Variants in KDM2B observed in about 807,000 individuals in gnomAD.
KDM2B encodes the protein lysine demethylase 2B, also known as lysine-specific demethylase 2B.
A neutral mutation model predicts 150.0 loss-of-function variants in KDM2B; 26 were observed. The ratio of observed to expected loss-of-function variants is 0.17; its 90% confidence interval spans 0.13 to 0.24. The LOEUF (loss-of-function observed/expected upper bound fraction) is 0.24, where lower values mean the gene tolerates loss of function less well. Ranked by LOEUF, KDM2B falls within the 10% of genes least tolerant of loss-of-function variation. The pLI is 1.00. For missense variants in KDM2B, 1,265 were observed against 1,816.9 expected, an observed-to-expected ratio of 0.70 and a Z score of 5.52; for synonymous variants, 734 against 729.5, an observed-to-expected ratio of 1.01 and a Z score of -0.10.
In KDM2B at chr12:121,520,673, G is replaced by C. The variant is rs140750762; in HGVS notation, c.1047+312C>G. Among the ~76,000 whole-genome samples, 359 of 152,258 alleles carry C rather than the reference G, an allele frequency of 2.4e-3. No individual in the cohort carries two copies. Among genetic ancestry groups the C allele is most frequent in the Non-Finnish European group, 4.2e-3 (287 of 68,006 alleles). On this transcript the variant is annotated intron_variant, in intron 9 of 22. Transcript: ENST00000377071. The surrounding 1 kb of genome is among the most constrained non-coding windows in gnomAD (Gnocchi z 4.5). ...TAATCCCTCACACCACTTTCTCCAC[G>C]TGAGGAGGAAGAGGCAGGTCCCTGA...
chr12:121,472,885 C>T (rs1880921284), intron 12 of KDM2B, among the ~76,000 whole-genome samples: 1 of 152,128 alleles, frequency 6.6e-6, no homozygotes, highest in African/African-American at 2.4e-5. Flanking sequence ...TGTAAAATGC[C>T]AGCCTAATTC....
rs77237915 is a variant in KDM2B at position 121,431,879 on chromosome 12, C to CTTTT, written c.3830-1414_3830-1411dup. Among the ~76,000 whole-genome samples the CTTTT allele has an allele frequency of 2.7e-4, 33 of 122,388 alleles. 1 individual carries two copies. The highest frequency in any genetic ancestry group is 1.9e-3 in the Admixed American group (21 of 11,040). 80.3% of individuals were successfully genotyped at this position (122,388 alleles called of 152,430 possible). ...GTTTTCATGGGTTTTTTTCTTTTTTCTTTTTTTTTTTTTTTTTGGAGATGA... is the reference window on the plus strand; with the variant it reads ...GTTTTCATGGGTTTTTTTCTTTTTTCTTTTTTTTTTTTTTTTTTTTTGGAGATGA... On this transcript the variant is annotated intron_variant, in intron 22 of 22. Transcript: ENST00000377071.
chr12:121,466,711 C>T (rs1269156380), intron 12 of KDM2B, among the ~76,000 whole-genome samples: 6 of 150,430 alleles, frequency 4.0e-5, no homozygotes, highest in South Asian at 2.1e-4. Flanking sequence ...CCTGGCACAA[C>T]TTTGCGAACG....
intron 21 of KDM2B, 142 bp from the exon 22 acceptor site, chr12:121,440,217 T>TA: frequency 3.2e-6 from 2 of 624,420 alleles, no homozygotes; most frequent in Non-Finnish European, 5.6e-6. Flanking sequence ...CCCAAAATCA[T>TA]AATTCCAACA....
In KDM2B at chr12:121,452,087, G is replaced by T. The variant is rs572191587; in HGVS notation, c.1959+1033C>A. 6.6e-6 allele frequency among the ~76,000 whole-genome samples: 1 copy of T among 152,072 alleles called. No homozygotes were observed. Among genetic ancestry groups the T allele is most frequent in the Non-Finnish European group, 1.5e-5 (1 of 68,014 alleles). On this transcript the variant is annotated intron_variant, in intron 13 of 22. Transcript: ENST00000377071. This position sits in a 1 kb window ranked among gnomAD's most constrained non-coding sequence, Gnocchi z 4.4. ...TTACTGCATAATTCCACTTCTATGA[G>T]GTCCCGAGAGGAGTCAAGCTCTTAG... is the stretch of plus-strand genomic sequence containing the variant.
At chr12:121,571,094 G>A (rs576952868) in intron 4 of KDM2B, among the ~76,000 whole-genome samples, 91 of 152,296 alleles carry the variant, frequency 6.0e-4, no homozygotes, top group African/African-American at 1.8e-3. Flanking sequence ...ACAAAGGATC[G>A]TGTGTTCTAT....
At chr12:121,434,069 A>G (rs1298460258) in intron 22 of KDM2B, among the ~76,000 whole-genome samples, 2 of 152,140 alleles carry the variant, frequency 1.3e-5, no homozygotes, top group African/African-American at 4.8e-5. Context: ...AGTCCCAACT[A>G]CACAGGAGGC....
At chr12:121,484,018 G>T (rs1882460333) in intron 12 of KDM2B, among the ~76,000 whole-genome samples, 1 of 152,100 alleles carries the variant, frequency 6.6e-6, no homozygotes, top group African/African-American at 2.4e-5. Flanking sequence ...AGTTGAAGAA[G>T]GCCACACAAT....
chr12:121,538,569 T>C (rs1368324069), intron 6 of KDM2B, among the ~76,000 whole-genome samples: 1 of 152,208 alleles, frequency 6.6e-6, no homozygotes, highest in Admixed American at 6.5e-5. Context: ...AGTGACTGTG[T>C]ACCCTACATC....
intron 4 of KDM2B, among the ~76,000 whole-genome samples, chr12:121,555,761 A>G (rs1048730883): frequency 6.6e-6 from 1 of 152,162 alleles, no homozygotes; most frequent in African/African-American, 2.4e-5. Flanking sequence ...TGAAACATGA[A>G]TATCTCTCAA....
intron 4 of KDM2B, among the ~76,000 whole-genome samples, chr12:121,559,648 C>T (rs539402398): frequency 7.9e-5 from 12 of 152,184 alleles, no homozygotes; most frequent in African/African-American, 2.9e-4. Context: ...TGCCTGTAAT[C>T]CCAGCACTTT....
chr12:121,467,201 G>T lies in KDM2B; in HGVS notation c.1735-13857C>A, dbSNP rs1207514012. 121 of 1,111,384 alleles carry T rather than the reference G, an allele frequency of 1.1e-4. No individual in the cohort carries two copies. The highest frequency in any genetic ancestry group is 1.3e-4 in the Non-Finnish European group (116 of 893,650). 68.8% of individuals were successfully genotyped at this position (1,111,384 alleles called of 1,614,324 possible). A position where few individuals can be genotyped will look rare whatever the true frequency, so the allele number is the denominator to read the frequency against. ...ATAGTCGTCGTCCTCGGCGCTCACGGACATGGCCATGGCTCATGGTGGGCC... is the reference window on the plus strand; with the variant it reads ...ATAGTCGTCGTCCTCGGCGCTCACGTACATGGCCATGGCTCATGGTGGGCC... On this transcript the variant is annotated intron_variant, in intron 12 of 22. Coordinates refer to ENST00000377071, the MANE Select transcript of KDM2B (RefSeq NM_032590.5). The surrounding 1 kb of genome is among the most constrained non-coding windows in gnomAD (Gnocchi z 5.1).
chr12:121,502,278 G>T (rs1245611549), intron 11 of KDM2B, among the ~76,000 whole-genome samples: 1 of 152,114 alleles, frequency 6.6e-6, no homozygotes, highest in Non-Finnish European at 1.5e-5. Context: ...AGAGCATTCG[G>T]CTGGTTTACA....
the KDM2B span, chr12:121,420,792 T>C: frequency 6.3e-7 from 1 of 1,591,568 alleles, no homozygotes; most frequent in Non-Finnish European, 8.6e-7. Context: ...GGTTTATCTT[T>C]TCATTTTTTC....
At chr12:121,465,660 A>G (rs2139393865) in intron 12 of KDM2B, among the ~76,000 whole-genome samples, 1 of 152,324 alleles carries the variant, frequency 6.6e-6, no homozygotes, top group African/African-American at 2.4e-5. Flanking sequence ...GGGTATGACC[A>G]AATTTAAAAA....
intron 13 of KDM2B, among the ~76,000 whole-genome samples, chr12:121,451,556 G>A (rs1331502156): frequency 6.6e-6 from 1 of 152,170 alleles, no homozygotes; most frequent in African/African-American, 2.4e-5. Context: ...ATTCACTGCA[G>A]CACTATTCAC....
At chr12:121,527,985 T>C (rs1310063754) in intron 8 of KDM2B, among the ~76,000 whole-genome samples, 1 of 152,178 alleles carries the variant, frequency 6.6e-6, no homozygotes, top group East Asian at 1.9e-4. Flanking sequence ...TCCAACCTCC[T>C]ATTCCCCGGG....
intron 12 of KDM2B, among the ~76,000 whole-genome samples, chr12:121,474,295 C>T (rs111284822): frequency 0.036 from 5,475 of 152,172 alleles, 313 homozygotes; most frequent in African/African-American, 0.12. Flanking sequence ...GGGCAGATCA[C>T]GAGGTCGGGA....
intron 4 of KDM2B, among the ~76,000 whole-genome samples, chr12:121,557,982 C>T (rs782580964): frequency 2.0e-5 from 3 of 152,180 alleles, no homozygotes; most frequent in African/African-American, 7.2e-5. Context: ...ATAACGAAAT[C>T]GCAGTTTACC....
Sources: allele counts gnomAD v4.1 joint callset (sites outside exome capture counted in the v4.1 genomes callset), GRCh38; gene constraint gnomAD v4.1.1; non-coding constraint Gnocchi (gnomAD v3.1); transcripts MANE v1.5; gene names NCBI Gene and HGNC (gene_info 2026-07-23, HGNC 2026-07-21).